The following CPLX1 variants were observed in gnomAD, a reference collection of about 807,000 sequenced individuals.
CPLX1 encodes complexin 1, also known as complexin-1.
A neutral mutation model predicts 15.6 loss-of-function variants in CPLX1; 6 were observed. That is an observed-to-expected ratio of 0.39 (90% CI 0.21 to 0.76). The LOEUF (loss-of-function observed/expected upper bound fraction) is 0.76. Among genes scored for constraint, CPLX1 ranks in the 30% least tolerant of loss-of-function variants. CPLX1 has a pLI of 0.43. For synonymous variants in CPLX1, 91 were observed against 75.2 expected (o/e 1.21, Z -1.08); for missense variants, 242 against 188.6 (o/e 1.28, Z -1.66).
intron 2 of CPLX1, among the ~76,000 whole-genome samples, chr4:805,683 C>T (rs1746543906): frequency 1.3e-5 from 2 of 152,154 alleles, no homozygotes; most frequent in African/African-American, 4.8e-5. Flanking sequence ...CCACAATAAC[C>T]AAGAGGGAGA....
intron 2 of CPLX1, among the ~76,000 whole-genome samples, chr4:811,636 G>A (rs1409555473): frequency 1.3e-5 from 2 of 152,126 alleles, no homozygotes; most frequent in African/African-American, 2.4e-5. Context: ...TCAGGGCCTC[G>A]AATATGGTGT....
intron 2 of CPLX1, among the ~76,000 whole-genome samples, chr4:815,034 C>A (rs975781870): frequency 1.3e-5 from 2 of 152,076 alleles, no homozygotes; most frequent in Admixed American, 6.6e-5. Flanking sequence ...GTAAAGAGAA[C>A]GAACATTTAG....
At position 786,360 on chromosome 4, in the gene CPLX1, C is replaced by A; in HGVS notation, c.*141G>T. ...CGCGCCCCTTGCCGGGTGAGGGAGG[C>A]GGCGGGCGCGGGCAGGGCGGGCCTG... is the stretch of plus-strand genomic sequence containing the variant. On this transcript the variant is annotated 3_prime_UTR_variant, in exon 4 of 4. Transcript: ENST00000304062. The A allele has an allele frequency of 2.2e-6, 2 of 893,158 alleles. No individual in the cohort carries two copies. The highest frequency in any genetic ancestry group is 3.1e-6 in the Non-Finnish European group (2 of 644,962). 55.3% of individuals were successfully genotyped at this position (893,158 alleles called of 1,614,324 possible). A position where few individuals can be genotyped will look rare whatever the true frequency, so the allele number is the denominator to read the frequency against.
rs535257912 is a variant in CPLX1 at position 806,850 on chromosome 4, G to A, written c.32-14242C>T. Among the ~76,000 whole-genome samples, 5 of 152,328 alleles carry A rather than the reference G, an allele frequency of 3.3e-5. No individual in the cohort carries two copies. The South Asian group carries it at 6.2e-4, about 19-fold the overall frequency. ...CAACAGATGCTGGGAAGGTTGCAGA[G>A]AAATAGGAACACTTTTATACTGTTG... On this transcript the variant is annotated intron_variant, in intron 2 of 3. Transcript: ENST00000304062.
At chr4:821,203 C>T (rs968380844) in intron 2 of CPLX1, among the ~76,000 whole-genome samples, 5 of 152,308 alleles carry the variant, frequency 3.3e-5, no homozygotes, top group Admixed American at 2.6e-4. Context: ...CATTCACTGC[C>T]GGACACTGTC....
intron 2 of CPLX1, among the ~76,000 whole-genome samples, chr4:818,653 C>A (rs972290312): frequency 8.5e-5 from 13 of 152,250 alleles, no homozygotes; most frequent in African/African-American, 3.1e-4. Flanking sequence ...GGGAAGAGGC[C>A]GAATGAGGGC....
At chr4:794,228 G>A (rs1746267929) in intron 2 of CPLX1, among the ~76,000 whole-genome samples, 1 of 152,230 alleles carries the variant, frequency 6.6e-6, no homozygotes, top group Non-Finnish European at 1.5e-5. Flanking sequence ...CTCAGACAGG[G>A]CCATGCCTGC....
Position 786,470 on chromosome 4 carries a change from G to T in CPLX1, c.*31C>A. On this transcript the variant is annotated 3_prime_UTR_variant, in exon 4 of 4. Coordinates refer to ENST00000304062, the MANE Select transcript of CPLX1 (RefSeq NM_006651.4). ...GGAGGATCTGTAGGGGGAGGGGCGG[G>T]GGCTCCGCGGGGCCGCTGTCCCGCG... is the stretch of plus-strand genomic sequence containing the variant. The T allele has an allele frequency of 6.6e-7, 1 of 1,522,040 alleles. No homozygotes were observed. The highest frequency in any genetic ancestry group is 8.8e-7 in the Non-Finnish European group (1 of 1,130,606). The allele number at this position is 1,522,040 out of a possible 1,614,324, so 94.3% of individuals were successfully genotyped here.
chr4:798,861 A>G (rs988824289), intron 2 of CPLX1, among the ~76,000 whole-genome samples: 1 of 152,278 alleles, frequency 6.6e-6, no homozygotes, highest in African/African-American at 2.4e-5. Context: ...AGAAGAAAAC[A>G]GAAGAGAAAA....
intron 3 of CPLX1, chr4:787,949 G>A: frequency 1.0e-6 from 1 of 985,386 alleles, no homozygotes; most frequent in Non-Finnish European, 1.2e-6. Flanking sequence ...CCCTGAACAG[G>A]ACCCCCGGGC....
At chr4:788,813 G>C (rs541224905) in intron 3 of CPLX1, among the ~76,000 whole-genome samples, 1 of 152,336 alleles carries the variant, frequency 6.6e-6, no homozygotes, top group East Asian at 1.9e-4. Context: ...GGCAACATGT[G>C]TATCCAGCCC....
At chr4:805,300 C>G (rs999490098) in intron 2 of CPLX1, among the ~76,000 whole-genome samples, 17 of 152,208 alleles carry the variant, frequency 1.1e-4, no homozygotes, top group Admixed American at 1.1e-3. Context: ...GGGTTACACA[C>G]GAGGTTCACA....
At chr4:792,018 C>G (rs1329867671) in intron 3 of CPLX1, among the ~76,000 whole-genome samples, 1 of 152,184 alleles carries the variant, frequency 6.6e-6, no homozygotes, top group Non-Finnish European at 1.5e-5. Context: ...GTGCTGGCAG[C>G]CACTCTGGGC....
intron 2 of CPLX1, among the ~76,000 whole-genome samples, chr4:814,488 C>T (rs192603218): frequency 8.0e-4 from 122 of 152,334 alleles, no homozygotes; most frequent in African/African-American, 2.9e-3. Flanking sequence ...GTTGGGATTT[C>T]AGGCATGAGC....
At chr4:815,603 C>T (rs541341195) in intron 2 of CPLX1, among the ~76,000 whole-genome samples, 2 of 152,192 alleles carry the variant, frequency 1.3e-5, no homozygotes, top group East Asian at 1.9e-4. Context: ...GAGATGACCC[C>T]GTGTGGCACT....
At chr4:821,595 C>T (rs1746863837) in intron 2 of CPLX1, among the ~76,000 whole-genome samples, 1 of 152,228 alleles carries the variant, frequency 6.6e-6, no homozygotes, top group African/African-American at 2.4e-5. Flanking sequence ...CACAGAGCTC[C>T]CAGGCCGTGT....
intron 2 of CPLX1, among the ~76,000 whole-genome samples, chr4:821,380 T>G (rs1746859889): frequency 6.6e-6 from 1 of 152,142 alleles, no homozygotes; most frequent in Non-Finnish European, 1.5e-5. Flanking sequence ...TCTCCGCACA[T>G]GCATCCTCCA....
Position 786,470 on chromosome 4 carries a change from G to C in CPLX1, c.*31C>G. 1 of 1,522,042 alleles carries C rather than the reference G, an allele frequency of 6.6e-7. No homozygotes were observed. Among genetic ancestry groups the C allele is most frequent in the East Asian group, 2.5e-5 (1 of 40,462 alleles). 94.3% of individuals were successfully genotyped at this position (1,522,042 alleles called of 1,614,324 possible). On this transcript the variant is annotated 3_prime_UTR_variant, in exon 4 of 4. Coordinates refer to ENST00000304062, the MANE Select transcript of CPLX1 (RefSeq NM_006651.4). ...GGAGGATCTGTAGGGGGAGGGGCGG[G>C]GGCTCCGCGGGGCCGCTGTCCCGCG...
At chr4:803,403 T>C (rs1210794459) in intron 2 of CPLX1, among the ~76,000 whole-genome samples, 1 of 151,986 alleles carries the variant, frequency 6.6e-6, no homozygotes, top group Non-Finnish European at 1.5e-5. Flanking sequence ...CTTTCCTTTT[T>C]TTTTTGAGAC....
Sources: allele counts gnomAD v4.1 joint callset (sites outside exome capture counted in the v4.1 genomes callset), GRCh38; gene constraint gnomAD v4.1.1; transcripts MANE v1.5; gene names NCBI Gene and HGNC (gene_info 2026-07-23, HGNC 2026-07-21).